Variants in TBC1D22A observed in about 807,000 individuals in gnomAD.
TBC1D22A encodes the protein TBC1 domain family member 22A.
TBC1D22A carries 38 observed loss-of-function variants against 60.2 expected under a neutral mutation model. The ratio of observed to expected loss-of-function variants is 0.63; its 90% CI spans 0.49 to 0.83. The LOEUF (loss-of-function observed/expected upper bound fraction) is 0.83, where lower values mean the gene tolerates loss of function less well. Among genes scored for constraint, TBC1D22A ranks in the 40% least tolerant of loss-of-function variants. The pLI, the probability that TBC1D22A is intolerant of heterozygous loss-of-function variation, is 0.00. For synonymous variants in TBC1D22A, 302 were observed against 281.7 expected, an observed-to-expected ratio of 1.07 and a Z score of -0.72; for missense variants, 628 against 701.0, an observed-to-expected ratio of 0.90 and a Z score of 1.18.
chr22:46,895,251 T>C (rs574859789), intron 7 of TBC1D22A, among the ~76,000 whole-genome samples: 1 of 152,288 alleles, frequency 6.6e-6, no homozygotes, highest in Non-Finnish European at 1.5e-5. Flanking sequence ...TCTTGCCTTT[T>C]ATGTTTACGA....
intron 4 of TBC1D22A, among the ~76,000 whole-genome samples, chr22:46,824,324 C>T (rs1258105923): frequency 2.6e-5 from 4 of 152,012 alleles, no homozygotes; most frequent in African/African-American, 4.8e-5. Context: ...GACAGTGAAG[C>T]GTAGACCCAA....
intron 8 of TBC1D22A, among the ~76,000 whole-genome samples, chr22:46,919,279 G>T (rs2070588357): frequency 6.6e-6 from 1 of 152,130 alleles, no homozygotes; most frequent in African/African-American, 2.4e-5. Flanking sequence ...TTTGTGTCTG[G>T]CTTCTTCCAC....
chr22:47,020,462 G>C (rs189269938), intron 10 of TBC1D22A, among the ~76,000 whole-genome samples: 1 of 152,130 alleles, frequency 6.6e-6, no homozygotes, highest in East Asian at 1.9e-4. Flanking sequence ...AATTTGTGCT[G>C]TTTTCACTGG....
chr22:46,838,055 G>A (rs747025123), intron 4 of TBC1D22A, among the ~76,000 whole-genome samples: 5 of 152,068 alleles, frequency 3.3e-5, no homozygotes, highest in Admixed American at 6.5e-5. Context: ...GTGAGACTCC[G>A]TCTCAAGAAA....
chr22:47,035,987 T>G (rs2062643210), intron 10 of TBC1D22A, among the ~76,000 whole-genome samples: 1 of 152,140 alleles, frequency 6.6e-6, no homozygotes, highest in African/African-American at 2.4e-5. Flanking sequence ...TTTTCTCTGG[T>G]ATTTGTTTAT....
At chr22:46,801,403 TGAA>T (rs2084890118) in intron 4 of TBC1D22A, among the ~76,000 whole-genome samples, 1 of 152,392 alleles carries the variant, frequency 6.6e-6, no homozygotes, top group East Asian at 1.9e-4. Context: ...GTCTACCTGC[TGAA>T]TATCATTCTG....
rs188562099 is a variant in TBC1D22A at position 47,100,439 on chromosome 22, G to C, written c.1330-11069G>C. Among the ~76,000 whole-genome samples, 3 of 152,242 alleles carry C rather than the reference G, an allele frequency of 2.0e-5. No individual in the cohort carries two copies. In the East Asian group the frequency reaches 5.8e-4, roughly 29 times the overall value. ...AGCAGGGATGAAGCCCTGGGGCACA[G>C]GGGTGAGGCCTCGGGGGACGGGTGA... On this transcript the variant is annotated intron_variant, in intron 11 of 12. Transcript: ENST00000337137.
intron 10 of TBC1D22A, among the ~76,000 whole-genome samples, chr22:47,005,675 TATACAC>T (rs1437942321): frequency 6.8e-6 from 1 of 146,754 alleles, no homozygotes; most frequent in Non-Finnish European, 1.5e-5. Context: ...CCCATATACA[TATACAC>T]ATACACACCT....
chr22:47,159,658 A>G (rs1387381070), intron 12 of TBC1D22A, among the ~76,000 whole-genome samples: 2 of 151,892 alleles, frequency 1.3e-5, no homozygotes, highest in African/African-American at 4.8e-5. Context: ...ACGTATATAC[A>G]CAGTACACAC....
In TBC1D22A at chr22:47,048,499, G is replaced by A. The variant is rs913759888; in HGVS notation, c.1329+11301G>A. On this transcript the variant is annotated intron_variant, in intron 11 of 12. Coordinates refer to ENST00000337137, the MANE Select transcript of TBC1D22A (RefSeq NM_014346.5). Reference sequence around the variant, plus strand: ...GCCTCCTTGGCAGGCAGAGGACAAGGAGTAAAGGGTGAAGGGCACAGCAGC... The same window carrying A: ...GCCTCCTTGGCAGGCAGAGGACAAGAAGTAAAGGGTGAAGGGCACAGCAGC... Among the ~76,000 whole-genome samples the A allele has an allele frequency of 2.0e-5, 3 of 152,308 alleles. 1 individual carries two copies. Among genetic ancestry groups the A allele is most frequent in the African/African-American group, 7.2e-5 (3 of 41,570 alleles).
chr22:46,830,423 G>A (rs954545488), intron 4 of TBC1D22A, among the ~76,000 whole-genome samples: 4 of 152,224 alleles, frequency 2.6e-5, no homozygotes, highest in African/African-American at 9.6e-5. Flanking sequence ...AAATCGCAGG[G>A]CGTCATGTTG....
intron 4 of TBC1D22A, among the ~76,000 whole-genome samples, chr22:46,852,739 CCTCCGTCTGAG>C (rs2087347843): frequency 6.6e-6 from 1 of 152,166 alleles, no homozygotes; most frequent in African/African-American, 2.4e-5. Flanking sequence ...CCTGCTTGAG[CCTCCGTCTGAG>C]CTCCGTCCAT....
chr22:46,827,896 G>T (rs566251161), intron 4 of TBC1D22A, among the ~76,000 whole-genome samples: 5 of 152,348 alleles, frequency 3.3e-5, no homozygotes, highest in East Asian at 1.9e-4. Flanking sequence ...CGTTAAGGCC[G>T]CTCTGCAGCT....
At chr22:46,906,345 G>C (rs2069464277) in intron 7 of TBC1D22A, among the ~76,000 whole-genome samples, 1 of 152,236 alleles carries the variant, frequency 6.6e-6, no homozygotes. Flanking sequence ...TTGGGGAGGG[G>C]CTGCACAGCT....
At chr22:46,839,550 C>G (rs1476160106) in intron 4 of TBC1D22A, among the ~76,000 whole-genome samples, 1 of 152,334 alleles carries the variant, frequency 6.6e-6, no homozygotes, top group African/African-American at 2.4e-5. Flanking sequence ...AGGACAATCT[C>G]TATCAAAATT....
At chr22:46,920,972 T>C (rs1465408386) in intron 8 of TBC1D22A, among the ~76,000 whole-genome samples, 2 of 152,048 alleles carry the variant, frequency 1.3e-5, no homozygotes, top group African/African-American at 4.8e-5. Context: ...GGTTTTACCA[T>C]GTTGGCCAGG....
chr22:47,055,910 C>CTGAGGGTCAGTGAGATACGCCAT (rs1366930772), intron 11 of TBC1D22A, among the ~76,000 whole-genome samples: 5 of 151,900 alleles, frequency 3.3e-5, no homozygotes, highest in African/African-American at 1.2e-4. Context: ...AGATACGCCA[C>CTGAGGGTCAGTGAGATACGCCAT]TGAGGGTTGG....
chr22:47,029,796 C>T (rs1015508344), intron 10 of TBC1D22A, among the ~76,000 whole-genome samples: 8 of 152,366 alleles, frequency 5.3e-5, no homozygotes, highest in Admixed American at 6.5e-5. Context: ...CCAGCTCAGG[C>T]GCGCTGTCCC....
rs1345184689 is a variant in TBC1D22A at position 47,164,182 on chromosome 22, A to G, written c.1426-9316A>G. 2.6e-5 allele frequency among the ~76,000 whole-genome samples: 4 copies of G among 152,208 alleles called. No individual in the cohort carries two copies. In the East Asian group the frequency reaches 7.7e-4, roughly 29 times the overall value. ...AAGCTGCGTGTCACAGAGGGTGTGC[A>G]CTGGAGCAGGAGCCCCTCCCCGCAG... is the stretch of plus-strand genomic sequence containing the variant. On this transcript the variant is annotated intron_variant, in intron 12 of 12. Transcript: ENST00000337137.
Sources: gnomAD v4.1 joint callset for allele counts (sites outside exome capture counted in the v4.1 genomes callset) on GRCh38, gnomAD v4.1.1 for gene constraint, MANE v1.5 for transcripts, NCBI Gene and HGNC (gene_info 2026-07-23, HGNC 2026-07-21) for gene names.